Variants in CLEC16A observed in about 807,000 individuals in gnomAD.
The protein encoded by CLEC16A is protein CLEC16A.
A neutral mutation model predicts 109.5 loss-of-function variants in CLEC16A; 51 were observed. That is an observed-to-expected ratio of 0.47 (90% CI 0.37 to 0.59). The LOEUF (loss-of-function observed/expected upper bound fraction) is 0.59. CLEC16A is among the 20% of genes least tolerant of loss of function. The pLI is 0.00. For synonymous variants in CLEC16A, 673 were observed against 564.2 expected, an observed-to-expected ratio of 1.19 and a Z score of -2.73; for missense variants, 1,339 against 1,394.0, an observed-to-expected ratio of 0.96 and a Z score of 0.63.
intron 13 of CLEC16A, among the ~76,000 whole-genome samples, chr16:11,033,337 T>C (rs2046850849): frequency 6.6e-6 from 1 of 152,192 alleles, no homozygotes; most frequent in Non-Finnish European, 1.5e-5. Flanking sequence ...CTCAGGTTCC[T>C]GACTCCTTTC....
chr16:11,054,904 T>C (rs2048128094), intron 18 of CLEC16A, among the ~76,000 whole-genome samples: 2 of 151,898 alleles, frequency 1.3e-5, no homozygotes, highest in Non-Finnish European at 2.9e-5. Context: ...CATTCCAAGC[T>C]ACCCCTTTGG....
At chr16:11,115,771 A>G (rs1345303679) in intron 19 of CLEC16A, among the ~76,000 whole-genome samples, 2 of 152,200 alleles carry the variant, frequency 1.3e-5, no homozygotes, top group Non-Finnish European at 1.5e-5. Context: ...AATGTAGAAG[A>G]CTAGTCATCT....
Position 11,151,480 on chromosome 16 carries a change from G to A in CLEC16A, c.2642-14908G>A, listed in dbSNP as rs368897155. Reference sequence around the variant, plus strand: ...GTGCGCCTCTGCCAGCATGTGCACAGGCATTGTTTCTATCAAGTCACTTTT... The same window carrying A: ...GTGCGCCTCTGCCAGCATGTGCACAAGCATTGTTTCTATCAAGTCACTTTT... On this transcript the variant is annotated intron_variant, in intron 22 of 23. Coordinates refer to ENST00000409790, the MANE Select transcript of CLEC16A (RefSeq NM_015226.3). Among the ~76,000 whole-genome samples, 7 of 152,328 alleles carry A rather than the reference G, an allele frequency of 4.6e-5. No individual in the cohort carries two copies. In the South Asian group the frequency reaches 1.2e-3, roughly 27 times the overall value.
intron 22 of CLEC16A, among the ~76,000 whole-genome samples, chr16:11,133,352 A>ATT (rs1567370586): frequency 6.6e-6 from 1 of 151,024 alleles, no homozygotes; most frequent in African/African-American, 2.5e-5. Context: ...AAAAAAAAAA[A>ATT]ATTTTTTTTT....
At chr16:11,133,306 T>C (rs1377999643) in intron 22 of CLEC16A, among the ~76,000 whole-genome samples, 1 of 151,304 alleles carries the variant, frequency 6.6e-6, no homozygotes, top group Non-Finnish European at 1.5e-5. Flanking sequence ...GCCATTGCAC[T>C]CTAGCCTGGG....
chr16:11,108,102 C>G (rs974487105), intron 19 of CLEC16A, among the ~76,000 whole-genome samples: 1 of 152,230 alleles, frequency 6.6e-6, no homozygotes, highest in African/African-American at 2.4e-5. Flanking sequence ...GGCTGATTCC[C>G]CAAGTGTCCA....
chr16:11,128,679 G>C (rs541602928), intron 22 of CLEC16A, among the ~76,000 whole-genome samples: 1 of 152,278 alleles, frequency 6.6e-6, no homozygotes, highest in South Asian at 2.1e-4. Flanking sequence ...CCTGAGCCTT[G>C]GCATGGTGGG....
At chr16:10,965,734 AAGTC>A (rs2042469905) in intron 3 of CLEC16A, among the ~76,000 whole-genome samples, 1 of 152,200 alleles carries the variant, frequency 6.6e-6, no homozygotes, top group East Asian at 1.9e-4. Context: ...ATACCACAGA[AAGTC>A]AGCCACACAG....
In CLEC16A at chr16:11,174,796, A is replaced by G. The variant is rs1181398381; in HGVS notation, c.2807-3539A>G. 6.6e-6 allele frequency among the ~76,000 whole-genome samples: 1 copy of G among 152,240 alleles called. No homozygotes were observed. Among genetic ancestry groups the G allele is most frequent in the East Asian group, 1.9e-4 (1 of 5,192 alleles). On this transcript the variant is annotated intron_variant, in intron 23 of 23. Coordinates refer to ENST00000409790, the MANE Select transcript of CLEC16A (RefSeq NM_015226.3). The surrounding 1 kb of genome is among the most constrained non-coding windows in gnomAD (Gnocchi z 4.7). ...TTCAGTCCTGTTTTGACCGGAAGCCAAGAGCCATTTCCCTCATAGACACAT... is the reference window on the plus strand; with the variant it reads ...TTCAGTCCTGTTTTGACCGGAAGCCGAGAGCCATTTCCCTCATAGACACAT...
chr16:10,990,484 G>A (rs577710802), intron 10 of CLEC16A, among the ~76,000 whole-genome samples: 11 of 152,358 alleles, frequency 7.2e-5, no homozygotes, highest in African/African-American at 2.6e-4. Flanking sequence ...CTTTAGCCAG[G>A]GCCGCGGGTG....
chr16:11,130,647 A>G (rs552956647), intron 22 of CLEC16A, among the ~76,000 whole-genome samples: 2 of 152,254 alleles, frequency 1.3e-5, no homozygotes, highest in East Asian at 3.9e-4. Flanking sequence ...GTGACATGTC[A>G]CCATTGCCAT....
At chr16:11,032,117 A>G (rs982859355) in intron 13 of CLEC16A, among the ~76,000 whole-genome samples, 2 of 152,060 alleles carry the variant, frequency 1.3e-5, no homozygotes, top group African/African-American at 2.4e-5. Context: ...AGGAGTGAGG[A>G]CCCGTTTCCT....
chr16:11,148,290 T>C (rs1352710085), intron 22 of CLEC16A, among the ~76,000 whole-genome samples: 6 of 152,174 alleles, frequency 3.9e-5, no homozygotes, highest in Non-Finnish European at 7.3e-5. Context: ...CCAATGACTT[T>C]TAAAAATGTC....
intron 10 of CLEC16A, among the ~76,000 whole-genome samples, chr16:10,990,769 C>T (rs930823859): frequency 9.2e-5 from 14 of 152,170 alleles, no homozygotes; most frequent in Non-Finnish European, 1.8e-4. Context: ...TTTCTGATTG[C>T]GTTGGGCCAT....
intron 7 of CLEC16A, 57 bp downstream of exon 7, chr16:10,973,118 C>A: frequency 6.5e-7 from 1 of 1,527,808 alleles, no homozygotes; most frequent in East Asian, 2.4e-5. Context: ...GGGGAGAATT[C>A]TGTTTTCATC....
At chr16:11,038,524 C>T (rs561940380) in intron 13 of CLEC16A, among the ~76,000 whole-genome samples, 7 of 152,186 alleles carry the variant, frequency 4.6e-5, no homozygotes, top group Non-Finnish European at 1.0e-4. Flanking sequence ...GGTCTTCTGT[C>T]ACTGCAGGTC....
chr16:10,950,188 A>C (rs542188868), intron 1 of CLEC16A, among the ~76,000 whole-genome samples: 2 of 152,326 alleles, frequency 1.3e-5, no homozygotes, highest in South Asian at 4.1e-4. Context: ...TCCTTTGGCT[A>C]TCAGACATTG....
chr16:10,969,100 G>C (rs1353206615), intron 3 of CLEC16A, 61 bp from the exon 4 acceptor site: 13 of 1,440,368 alleles, frequency 9.0e-6, no homozygotes, highest in Non-Finnish European at 1.0e-5. Context: ...TCATCTGCTT[G>C]TTACCTGGCT....
At position 11,071,740 on chromosome 16, in the gene CLEC16A, C is replaced by T. The variant is rs1174455061; in HGVS notation, c.2116+10718C>T. Among the ~76,000 whole-genome samples the T allele has an allele frequency of 2.7e-5, 4 of 147,922 alleles. No individual in the cohort carries two copies. In the East Asian group the frequency reaches 5.9e-4, roughly 22 times the overall value. On this transcript the variant is annotated intron_variant, in intron 19 of 23. Coordinates refer to ENST00000409790, the MANE Select transcript of CLEC16A (RefSeq NM_015226.3). ...TAGCTGGGACTACAGATGTGCACCA[C>T]CACACCTGGCTGATTTTTTTTTTTT...
Sources: allele counts gnomAD v4.1 joint callset (sites outside exome capture counted in the v4.1 genomes callset), GRCh38; gene constraint gnomAD v4.1.1; non-coding constraint Gnocchi (gnomAD v3.1); transcripts MANE v1.5; gene names NCBI Gene and HGNC (gene_info 2026-07-23, HGNC 2026-07-21).